Variants in MEGF11 observed in about 807,000 individuals in gnomAD.
MEGF11 encodes the protein multiple epidermal growth factor-like domains protein 11.
MEGF11 carries 126 observed loss-of-function variants against 146.6 expected under a neutral mutation model. The ratio of observed to expected loss-of-function variants is 0.86; its 90% CI spans 0.74 to 1.00. The LOEUF (loss-of-function observed/expected upper bound fraction) is 1.00. Among genes scored for constraint, MEGF11 ranks in the 50% least tolerant of loss-of-function variants. The pLI is 0.00. For synonymous variants in MEGF11, 532 were observed against 583.4 expected (o/e 0.91, Z 1.27); for missense variants, 1,509 against 1,521.2 (o/e 0.99, Z 0.13).
intron 1 of MEGF11, among the ~76,000 whole-genome samples, chr15:66,173,471 A>G (rs2090316474): frequency 6.6e-6 from 1 of 152,070 alleles, no homozygotes; most frequent in Non-Finnish European, 1.5e-5. Flanking sequence ...GCCCGCCACC[A>G]TGCCCTACTA....
At chr15:66,102,180 C>G (rs2086839586) in intron 4 of MEGF11, among the ~76,000 whole-genome samples, 1 of 12,526 alleles carries the variant, frequency 8.0e-5, no homozygotes, top group Admixed American at 9.9e-4. Flanking sequence ...GCTCCTGGTA[C>G]CCCAGCCTTC....
At chr15:66,220,080 C>G (rs1384831746) in intron 1 of MEGF11, among the ~76,000 whole-genome samples, 1 of 152,060 alleles carries the variant, frequency 6.6e-6, no homozygotes, top group Admixed American at 6.6e-5. Flanking sequence ...CACGTGAAGA[C>G]CATGTGCCAA....
chr15:65,920,516 T>C (rs1464602638), intron 15 of MEGF11, among the ~76,000 whole-genome samples: 2 of 152,222 alleles, frequency 1.3e-5, no homozygotes, highest in Non-Finnish European at 2.9e-5. Flanking sequence ...AAGAGTCTTA[T>C]CTTTGAAGTC....
chr15:66,060,717 G>A (rs2084867817), intron 5 of MEGF11, among the ~76,000 whole-genome samples: 1 of 152,226 alleles, frequency 6.6e-6, no homozygotes, highest in Non-Finnish European at 1.5e-5. Context: ...AGCTCCTGAG[G>A]AGAGACCACA....
chr15:65,947,731 C>T (rs1252200442), intron 10 of MEGF11, among the ~76,000 whole-genome samples: 3 of 152,150 alleles, frequency 2.0e-5, no homozygotes, highest in Non-Finnish European at 2.9e-5. Context: ...CAGCAGAAGC[C>T]CCATCTATGC....
rs890821067 is a variant in MEGF11, at chr15:66,058,021, C to T, written c.394+36381G>A. Among the ~76,000 whole-genome samples, 132 of 152,254 alleles carry T rather than the reference C, an allele frequency of 8.7e-4. 3 individuals carry two copies. Among genetic ancestry groups the T allele is most frequent in the African/African-American group, 3.1e-3 (127 of 41,566 alleles). ...GAAATGACATGGGGAACAAATATTC[C>T]AGCTTCCTGCAAAGTGAAAAGAATT... On this transcript the variant is annotated intron_variant, in intron 5 of 25. Transcript: ENST00000395614.
chr15:65,897,869 G>GGACT lies in MEGF11; in HGVS notation c.*61_*64dup. 6.7e-7 allele frequency: 1 copy of GGACT among 1,487,906 alleles called. No homozygotes were observed. The highest frequency in any genetic ancestry group is 2.3e-5 in the East Asian group (1 of 43,478). The allele number at this position is 1,487,906 out of a possible 1,614,324, so 92.2% of individuals were successfully genotyped here. ...GTCTGTACCATTACTTCAAGTCAAG[G>GGACT]GACTGTCTTCTTTCAGAGTCAGAAT... is the stretch of plus-strand genomic sequence containing the variant. On this transcript the variant is annotated 3_prime_UTR_variant, in exon 26 of 26. Transcript: ENST00000395614.
At chr15:66,204,539 G>C (rs1388691721) in intron 1 of MEGF11, among the ~76,000 whole-genome samples, 2 of 152,184 alleles carry the variant, frequency 1.3e-5, no homozygotes, top group Non-Finnish European at 2.9e-5. Context: ...ATGTGCACTG[G>C]GTTCAAGGCC....
chr15:66,085,101 T>C (rs1226677777), intron 5 of MEGF11, among the ~76,000 whole-genome samples: 1 of 152,016 alleles, frequency 6.6e-6, no homozygotes, highest in Non-Finnish European at 1.5e-5. Context: ...GAGGCAGCCA[T>C]AATCCTCCTA....
intron 1 of MEGF11, among the ~76,000 whole-genome samples, chr15:66,132,912 C>T (rs1482776882): frequency 3.9e-5 from 6 of 152,150 alleles, no homozygotes; most frequent in African/African-American, 7.2e-5. Context: ...TTGTGTTCAC[C>T]GCTATGTCCC....
intron 10 of MEGF11, among the ~76,000 whole-genome samples, chr15:65,945,094 C>T (rs1279572674): frequency 6.6e-6 from 1 of 152,156 alleles, no homozygotes; most frequent in Non-Finnish European, 1.5e-5. Context: ...TGGGGTTTCA[C>T]CACATTGGCT....
At chr15:66,111,627 T>G (rs2087414340) in intron 4 of MEGF11, among the ~76,000 whole-genome samples, 1 of 152,164 alleles carries the variant, frequency 6.6e-6, no homozygotes, top group South Asian at 2.1e-4. Flanking sequence ...GACTTGGCCT[T>G]GGAAGTCGCC....
At chr15:66,232,923 A>G (rs1203285608) in intron 1 of MEGF11, among the ~76,000 whole-genome samples, 2 of 152,224 alleles carry the variant, frequency 1.3e-5, no homozygotes, top group Non-Finnish European at 2.9e-5. Flanking sequence ...ATGTCACACT[A>G]CTAGGTGAGT....
intron 5 of MEGF11, among the ~76,000 whole-genome samples, chr15:66,093,402 T>C (rs1385580692): frequency 6.6e-6 from 1 of 152,208 alleles, no homozygotes; most frequent in Admixed American, 6.5e-5. Flanking sequence ...TCCTAAGTTT[T>C]CATGACTATG....
chr15:66,139,343 C>T (rs993930836), intron 1 of MEGF11, among the ~76,000 whole-genome samples: 1 of 152,154 alleles, frequency 6.6e-6, no homozygotes, highest in Non-Finnish European at 1.5e-5. Context: ...ACATAAGTCC[C>T]AGAGTCACTG....
At chr15:66,218,221 T>C (rs1197361944) in intron 1 of MEGF11, among the ~76,000 whole-genome samples, 1 of 152,116 alleles carries the variant, frequency 6.6e-6, no homozygotes, top group African/African-American at 2.4e-5. Flanking sequence ...TAGAGGGAGA[T>C]ACATTAAAGA....
chr15:65,987,152 G>C (rs1037712932), intron 5 of MEGF11, among the ~76,000 whole-genome samples: 4 of 152,152 alleles, frequency 2.6e-5, no homozygotes, highest in East Asian at 1.9e-4. Context: ...TCACCGACAG[G>C]CTTTTAAATT....
At chr15:65,975,785 CAG>C (rs1387377403) in intron 7 of MEGF11, among the ~76,000 whole-genome samples, 1 of 152,170 alleles carries the variant, frequency 6.6e-6, no homozygotes, top group African/African-American at 2.4e-5. Flanking sequence ...GTGCCTTAAA[CAG>C]GGGGCACTTA....
intron 4 of MEGF11, among the ~76,000 whole-genome samples, chr15:66,104,500 T>C (rs1031549506): frequency 1.3e-5 from 2 of 152,250 alleles, no homozygotes; most frequent in African/African-American, 4.8e-5. Flanking sequence ...TCACTTTGCC[T>C]CTCTTAAGTT....
Sources: allele counts gnomAD v4.1 joint callset (sites outside exome capture counted in the v4.1 genomes callset), GRCh38; gene constraint gnomAD v4.1.1; transcripts MANE v1.5; gene names NCBI Gene and HGNC (gene_info 2026-07-23, HGNC 2026-07-21).